The following DRC11 variants were observed in gnomAD, a reference collection of about 807,000 sequenced individuals.
DRC11 encodes dynein regulatory complex subunit 11.
the DRC11 span, chr2:236,368,238 A>C: frequency 8.4e-4 from 1,358 of 1,611,562 alleles, 16 homozygotes; most frequent in African/African-American, 0.017. Context: ...TCTGACATCC[A>C]GGAGGGAGGG....
chr2:236,348,729 G>A, the DRC11 span, among the ~76,000 whole-genome samples: 1 of 152,194 alleles, frequency 6.6e-6, no homozygotes, highest in Non-Finnish European at 1.5e-5. This position sits in a 1 kb window ranked among gnomAD's most constrained non-coding sequence, Gnocchi z 7.4. Flanking sequence ...AAGCTCCCCA[G>A]ATGATGCTGA....
chr2:236,385,334 C>T, the DRC11 span, among the ~76,000 whole-genome samples: 12 of 146,042 alleles, frequency 8.2e-5, no homozygotes, highest in South Asian at 9.1e-4. Flanking sequence ...TCTTTTATTT[C>T]GTTGAGCAGT....
At chr2:236,346,207 C>T in the DRC11 span, among the ~76,000 whole-genome samples, 1 of 152,180 alleles carries the variant, frequency 6.6e-6, no homozygotes, top group Non-Finnish European at 1.5e-5. Context: ...GTGATAACTG[C>T]AGTGAATGAG....
At chr2:236,351,996 C>T in the DRC11 span, among the ~76,000 whole-genome samples, 9 of 152,008 alleles carry the variant, frequency 5.9e-5, no homozygotes, top group South Asian at 4.1e-4. This position sits in a 1 kb window ranked among gnomAD's most constrained non-coding sequence, Gnocchi z 7.3. Flanking sequence ...TGGCAGTGGA[C>T]GCCTCAAGAA....
chr2:236,326,792 TTGTGTG>T, the DRC11 span, among the ~76,000 whole-genome samples: 6,183 of 144,000 alleles, frequency 0.043, 199 homozygotes, highest in African/African-American at 0.094. Context: ...TTCAGATTTG[TTGTGTG>T]TGTGTGTGTG....
chr2:236,347,855 C>CAA, the DRC11 span, among the ~76,000 whole-genome samples: 25,433 of 141,722 alleles, frequency 0.18, 2,346 homozygotes, highest in Non-Finnish European at 0.23. Context: ...TAACTTACGG[C>CAA]AAAAAAAAAA....
the DRC11 span, chr2:236,324,371 T>C: frequency 1.5e-5 from 4 of 271,782 alleles, no homozygotes; most frequent in Non-Finnish European, 2.9e-5. The surrounding 1 kb of genome is among the most constrained non-coding windows in gnomAD (Gnocchi z 5.7). Flanking sequence ...GAGTCCAACT[T>C]GGAAAGACTG....
chr2:236,350,148 A>C, the DRC11 span, among the ~76,000 whole-genome samples: 1 of 152,212 alleles, frequency 6.6e-6, no homozygotes, highest in African/African-American at 2.4e-5. The surrounding 1 kb of genome is among the most constrained non-coding windows in gnomAD (Gnocchi z 5.2). Flanking sequence ...TGAGACCCAC[A>C]ATCTTGTTTC....
the DRC11 span, among the ~76,000 whole-genome samples, chr2:236,357,081 CT>C: frequency 1.0e-5 from 1 of 98,328 alleles, no homozygotes; most frequent in Non-Finnish European, 1.8e-5. Context: ...TATTATATAT[CT>C]ATATATTTTA....
At chr2:236,357,267 ATATACATATATTATATATTTATATAT>A in the DRC11 span, among the ~76,000 whole-genome samples, 16 of 87,406 alleles carry the variant, frequency 1.8e-4, no homozygotes, top group Admixed American at 2.6e-4. Context: ...TATATTATAA[ATATACATATATTATATATTTATATAT>A]TATATATTCA....
chr2:236,480,060 T>C, the DRC11 span, among the ~76,000 whole-genome samples: 1 of 151,478 alleles, frequency 6.6e-6, no homozygotes, highest in African/African-American at 2.4e-5. Context: ...TTAATAAATA[T>C]GTTTTTCTAC....
At chr2:236,375,079 C>T in the DRC11 span, among the ~76,000 whole-genome samples, 14 of 151,930 alleles carry the variant, frequency 9.2e-5, no homozygotes, top group Admixed American at 1.3e-4. This position sits in a 1 kb window ranked among gnomAD's most constrained non-coding sequence, Gnocchi z 4.2. Flanking sequence ...GGTACTAAAC[C>T]GTTCATGAGA....
At chr2:236,455,259 A>G in the DRC11 span, 12 of 152,666 alleles carry the variant, frequency 7.9e-5, no homozygotes, top group African/African-American at 2.6e-4. This position sits in a 1 kb window ranked among gnomAD's most constrained non-coding sequence, Gnocchi z 5.7. Flanking sequence ...TGGGAATCAG[A>G]AACCTGAATA....
At chr2:236,459,667 A>G in the DRC11 span, among the ~76,000 whole-genome samples, 41 of 146,918 alleles carry the variant, frequency 2.8e-4, no homozygotes, top group Non-Finnish European at 5.8e-4. Flanking sequence ...ATACATACGT[A>G]TATACGTATA....
At chr2:236,357,814 A>C in the DRC11 span, among the ~76,000 whole-genome samples, 11 of 126,130 alleles carry the variant, frequency 8.7e-5, no homozygotes, top group Admixed American at 3.4e-4. Flanking sequence ...AATATAGAAT[A>C]TATAAATATA....
the DRC11 span, among the ~76,000 whole-genome samples, chr2:236,416,743 ATATATATATATATATATATATATAT>A: frequency 5.3e-5 from 3 of 56,424 alleles, no homozygotes; most frequent in Middle Eastern, 8.6e-3. Flanking sequence ...ATATATATAT[ATATATATATATATATATATATATAT>A]AAATAATTTT....
the DRC11 span, among the ~76,000 whole-genome samples, chr2:236,491,168 T>G: frequency 3.5e-4 from 28 of 78,974 alleles, no homozygotes; most frequent in African/African-American, 1.6e-3. Flanking sequence ...AGTATATATA[T>G]ATATATATAT....
chr2:236,378,776 A>T, the DRC11 span, among the ~76,000 whole-genome samples: 1 of 151,866 alleles, frequency 6.6e-6, no homozygotes, highest in African/African-American at 2.4e-5. Context: ...CTGCCCCCCA[A>T]ATCTGCCCCA....
the DRC11 span, among the ~76,000 whole-genome samples, chr2:236,491,642 C>T: frequency 1.3e-5 from 2 of 152,076 alleles, no homozygotes; most frequent in African/African-American, 4.8e-5. Context: ...AAAGGGATTC[C>T]TTTCAGGGAA....
Sources: gnomAD v4.1 joint callset for allele counts (sites outside exome capture counted in the v4.1 genomes callset) on GRCh38, gnomAD v4.1.1 for gene constraint, Gnocchi (gnomAD v3.1) non-coding constraint, MANE v1.5 for transcripts, NCBI Gene and HGNC (gene_info 2026-07-23, HGNC 2026-07-21) for gene names.